Variants in MATN2 observed in about 807,000 individuals in gnomAD.
MATN2 encodes the protein matrilin-2.
A neutral mutation model predicts 103.2 loss-of-function variants in MATN2; 69 were observed. That is an observed-to-expected ratio of 0.67 (90% CI 0.55 to 0.82). The LOEUF (loss-of-function observed/expected upper bound fraction) is 0.82. MATN2 is among the 40% of genes least tolerant of loss of function. The pLI, the probability that MATN2 is intolerant of heterozygous loss-of-function variation, is 0.00. For missense variants in MATN2, 1,023 were observed against 1,211.5 expected (o/e 0.84, Z 2.31); for synonymous variants, 429 against 450.2 (o/e 0.95, Z 0.60).
intron 7 of MATN2, among the ~76,000 whole-genome samples, chr8:98,001,185 T>C (rs1812774517): frequency 6.6e-6 from 1 of 152,214 alleles, no homozygotes; most frequent in Non-Finnish European, 1.5e-5. Context: ...ATCCAATTAA[T>C]GGTGTTTTAA....
At chr8:97,932,404 G>A (rs1285309538) in intron 3 of MATN2, among the ~76,000 whole-genome samples, 1 of 152,106 alleles carries the variant, frequency 6.6e-6, no homozygotes, top group Admixed American at 6.5e-5. Flanking sequence ...GTGTGGTCCT[G>A]GCAGCTCCCC....
intron 1 of MATN2, among the ~76,000 whole-genome samples, chr8:97,879,272 G>T (rs562312099): frequency 4.0e-4 from 61 of 152,318 alleles, no homozygotes; most frequent in Admixed American, 1.9e-3. Context: ...CAGGGTGAGG[G>T]ACCGGCATGG....
intron 1 of MATN2, among the ~76,000 whole-genome samples, chr8:97,885,401 G>A (rs7817428): frequency 0.06 from 9,055 of 152,150 alleles, 295 homozygotes; most frequent in African/African-American, 0.088. Flanking sequence ...GATCACTGGA[G>A]TTCAGGAGTT....
chr8:97,935,255 G>T (rs1242867838), intron 3 of MATN2, among the ~76,000 whole-genome samples: 3 of 152,120 alleles, frequency 2.0e-5, no homozygotes, highest in Non-Finnish European at 2.9e-5. Flanking sequence ...AATTGTCAGG[G>T]TCTGCCTGGG....
chr8:97,913,294 A>G (rs1363831307), intron 2 of MATN2, among the ~76,000 whole-genome samples: 1 of 151,682 alleles, frequency 6.6e-6, no homozygotes, highest in Non-Finnish European at 1.5e-5. Flanking sequence ...CCAAGTGCCA[A>G]TGGACATGGA....
At position 98,016,523 on chromosome 8, in the gene MATN2, T is replaced by C; in HGVS notation, c.1574-17T>C. The C allele has an allele frequency of 6.3e-7, 1 of 1,599,116 alleles. No individual in the cohort carries two copies. The highest frequency in any genetic ancestry group is 1.1e-5 in the South Asian group (1 of 88,804). On this transcript the variant is annotated splice_polypyrimidine_tract_variant and intron_variant, in intron 10 of 18. Coordinates refer to ENST00000254898, the MANE Select transcript of MATN2 (RefSeq NM_002380.5). ...CATTTTCTTCTTCTGTTTCTCTAAT[T>C]CCCATTTGATTCTCAGAATTGGACT...
intron 12 of MATN2, 71 bp from the exon 13 acceptor site, chr8:98,021,134 A>G: frequency 6.9e-7 from 1 of 1,454,720 alleles, no homozygotes; most frequent in South Asian, 1.2e-5. Context: ...CACAATCTCT[A>G]CTCACATGAC....
intron 2 of MATN2, among the ~76,000 whole-genome samples, chr8:97,911,715 AT>A (rs1165123379): frequency 1.3e-5 from 2 of 152,200 alleles, no homozygotes; most frequent in East Asian, 3.9e-4. Context: ...CAAAAAAAAA[AT>A]AAAATAAAAA....
chr8:97,935,946 G>A (rs543405945), intron 3 of MATN2, among the ~76,000 whole-genome samples: 1 of 152,326 alleles, frequency 6.6e-6, no homozygotes, highest in East Asian at 1.9e-4. Flanking sequence ...GCCAGACCTC[G>A]CTGGGTGAGA....
At position 98,007,847 on chromosome 8, in the gene MATN2, C is replaced by G. The variant is rs1813028003; in HGVS notation, c.1573+246C>G. Among the ~76,000 whole-genome samples the G allele has an allele frequency of 1.3e-5, 2 of 152,188 alleles. No homozygotes were observed. The highest frequency in any genetic ancestry group is 4.8e-5 in the African/African-American group (2 of 41,430). On this transcript the variant is annotated intron_variant, in intron 10 of 18. Coordinates refer to ENST00000254898, the MANE Select transcript of MATN2 (RefSeq NM_002380.5). This position sits in a 1 kb window ranked among gnomAD's most constrained non-coding sequence, Gnocchi z 4.2. ...TTTCCACCTCCCTGTCATTCTGAAGCTGGACAGAGCCCTTGTCCTCAGCTC... is the reference window on the plus strand; with the variant it reads ...TTTCCACCTCCCTGTCATTCTGAAGGTGGACAGAGCCCTTGTCCTCAGCTC...
At chr8:97,963,924 G>A (rs1430389647) in intron 5 of MATN2, among the ~76,000 whole-genome samples, 4 of 152,178 alleles carry the variant, frequency 2.6e-5, no homozygotes, top group African/African-American at 9.7e-5. Context: ...AAGGTTAGTT[G>A]CTGCTCAATA....
At chr8:98,006,818 C>T (rs1812986300) in intron 8 of MATN2, among the ~76,000 whole-genome samples, 1 of 152,204 alleles carries the variant, frequency 6.6e-6, no homozygotes, top group Admixed American at 6.5e-5. Flanking sequence ...TGGTGTCAGG[C>T]ACCTGTAACC....
intron 3 of MATN2, among the ~76,000 whole-genome samples, chr8:97,941,275 T>G: frequency 6.6e-6 from 1 of 151,744 alleles, no homozygotes; most frequent in East Asian, 1.9e-4. Context: ...CATTTTTTAC[T>G]CCAAAATTGT....
intron 10 of MATN2, among the ~76,000 whole-genome samples, chr8:98,012,790 C>G (rs1299129879): frequency 6.6e-6 from 1 of 152,146 alleles, no homozygotes; most frequent in Non-Finnish European, 1.5e-5. Context: ...TGAATATAGT[C>G]CCATCTCTGC....
intron 6 of MATN2, among the ~76,000 whole-genome samples, chr8:97,992,745 C>CAAAAAA (rs58985201): frequency 0.025 from 1,217 of 49,498 alleles, 140 homozygotes; most frequent in African/African-American, 0.1. Context: ...GACTCCATCT[C>CAAAAAA]AAAAAAAAAA....
chr8:97,936,802 A>T (rs1477990556), intron 3 of MATN2, among the ~76,000 whole-genome samples: 1 of 152,140 alleles, frequency 6.6e-6, no homozygotes, highest in Non-Finnish European at 1.5e-5. Context: ...GGCCCATCCC[A>T]CAGAGGGCAA....
chr8:97,899,289 C>A (rs546678837), intron 2 of MATN2, among the ~76,000 whole-genome samples: 14 of 152,248 alleles, frequency 9.2e-5, no homozygotes, highest in African/African-American at 2.9e-4. Flanking sequence ...GAGCAAGGTG[C>A]CTGGTACACA....
At chr8:97,956,647 G>C (rs1448128466) in intron 4 of MATN2, among the ~76,000 whole-genome samples, 1 of 152,184 alleles carries the variant, frequency 6.6e-6, no homozygotes, top group Non-Finnish European at 1.5e-5. Context: ...CTTATGGAAA[G>C]CTGCTTCTGC....
chr8:97,884,743 C>A (rs1351665132), intron 1 of MATN2, among the ~76,000 whole-genome samples: 1 of 152,118 alleles, frequency 6.6e-6, no homozygotes, highest in Non-Finnish European at 1.5e-5. Context: ...TGCACTCCTG[C>A]CTGGGCGACA....
Sources: gnomAD v4.1 joint callset for allele counts (sites outside exome capture counted in the v4.1 genomes callset) on GRCh38, gnomAD v4.1.1 for gene constraint, Gnocchi (gnomAD v3.1) non-coding constraint, MANE v1.5 for transcripts, NCBI Gene and HGNC (gene_info 2026-07-23, HGNC 2026-07-21) for gene names.